The following ITPR1 variants were observed in gnomAD, a reference collection of about 807,000 sequenced individuals.
ITPR1 encodes inositol 1,4,5-trisphosphate-gated calcium channel ITPR1.
A neutral mutation model predicts 318.4 loss-of-function variants in ITPR1; 96 were observed. The ratio of observed to expected loss-of-function variants is 0.30; its 90% CI spans 0.26 to 0.36. ITPR1 has a LOEUF of 0.36. Among genes scored for constraint, ITPR1 ranks in the 10% least tolerant of loss-of-function variants. The pLI, the probability that ITPR1 is intolerant of heterozygous loss-of-function variation, is 1.00. For synonymous variants in ITPR1, 1,312 were observed against 1,289.9 expected (o/e 1.02, Z -0.37); for missense variants, 2,440 against 3,460.2 (o/e 0.71, Z 7.40).
At chr3:4,500,037 G>A (rs148190094) in intron 2 of ITPR1, among the ~76,000 whole-genome samples, 23 of 152,296 alleles carry the variant, frequency 1.5e-4, no homozygotes, top group African/African-American at 5.5e-4. Flanking sequence ...TGAGAAATGG[G>A]CTGGTAAAGT....
At chr3:4,568,111 G>A (rs1412875565) in intron 4 of ITPR1, among the ~76,000 whole-genome samples, 1 of 152,170 alleles carries the variant, frequency 6.6e-6, no homozygotes, top group East Asian at 1.9e-4. Flanking sequence ...GAGATTAAGA[G>A]TCTGTGATTT....
In ITPR1 at chr3:4,653,911, G is replaced by C. The variant is rs765857509; in HGVS notation, c.996+25G>C. On this transcript the variant is annotated intron_variant, in intron 12 of 61. Transcript: ENST00000649015. ...AGTAAGTATGGACAAGAGCCTTCTT[G>C]TCTTCATCTGGTAGGGTGCGGCCAA... 1.9e-6 allele frequency: 3 copies of C among 1,569,990 alleles called. No homozygotes were observed. In the African/African-American group the frequency reaches 4.1e-5, roughly 21 times the overall value.
intron 40 of ITPR1, chr3:4,724,518 A>G (rs1351014492): frequency 6.6e-6 from 1 of 152,180 alleles, no homozygotes; most frequent in East Asian, 1.9e-4. Context: ...AAGGTCACAT[A>G]GTTGCAGCGT....
chr3:4,761,773 G>T (rs2045468585), intron 44 of ITPR1, among the ~76,000 whole-genome samples: 1 of 152,202 alleles, frequency 6.6e-6, no homozygotes, highest in Non-Finnish European at 1.5e-5. Context: ...GGGAGGCTGT[G>T]CACCCACCTT....
chr3:4,676,881 G>T, intron 24 of ITPR1, 80 bp downstream of exon 24: 1 of 1,099,108 alleles, frequency 9.1e-7, no homozygotes, highest in Non-Finnish European at 1.3e-6. Flanking sequence ...TTCTGATGGA[G>T]CCCAAGGCTT....
rs147797220 is a variant in ITPR1 at position 4,709,973 on chromosome 3, A to G, written c.4843-352A>G. On this transcript the variant is annotated intron_variant, in intron 37 of 61. Coordinates refer to ENST00000649015, the MANE Select transcript of ITPR1 (RefSeq NM_001378452.1). ...TGATGTTTATAAAAATAGGATTATT[A>G]TTGTTTGACCTTTGTTATGCCCATG... is the stretch of plus-strand genomic sequence containing the variant. Among the ~76,000 whole-genome samples the G allele has an allele frequency of 4.5e-3, 690 of 152,302 alleles. 5 individuals are homozygous for G. The highest frequency in any genetic ancestry group is 0.016 in the African/African-American group (645 of 41,562).
At chr3:4,835,967 G>T (rs1231053180) in intron 60 of ITPR1, among the ~76,000 whole-genome samples, 2 of 152,116 alleles carry the variant, frequency 1.3e-5, no homozygotes, top group Admixed American at 6.5e-5. Flanking sequence ...GAAGGAAAAG[G>T]AAACAAGAGG....
At chr3:4,594,380 C>T (rs979802224) in intron 4 of ITPR1, among the ~76,000 whole-genome samples, 7 of 152,124 alleles carry the variant, frequency 4.6e-5, no homozygotes, top group Admixed American at 3.9e-4. Context: ...CCTGGGAGCA[C>T]TTCCTTAATA....
At chr3:4,557,090 A>C (rs183491743) in intron 4 of ITPR1, among the ~76,000 whole-genome samples, 5 of 152,186 alleles carry the variant, frequency 3.3e-5, no homozygotes, top group African/African-American at 1.2e-4. Flanking sequence ...CAGAATCTCA[A>C]CTCTTAATCA....
At chr3:4,510,106 C>T (rs982033224) in intron 2 of ITPR1, among the ~76,000 whole-genome samples, 1 of 152,124 alleles carries the variant, frequency 6.6e-6, no homozygotes, top group African/African-American at 2.4e-5. Context: ...AGACATCAAA[C>T]TGGGGCTGTG....
intron 30 of ITPR1, among the ~76,000 whole-genome samples, chr3:4,686,364 G>A (rs529319358): frequency 6.6e-6 from 1 of 152,314 alleles, no homozygotes; most frequent in South Asian, 2.1e-4. Flanking sequence ...CCTGTCGTAG[G>A]TATAATACCT....
At chr3:4,795,251 C>T (rs1226068792) in intron 53 of ITPR1, 64 bp downstream of exon 53, 4 of 1,532,410 alleles carry the variant, frequency 2.6e-6, no homozygotes, top group East Asian at 2.3e-5. Flanking sequence ...ACTTGCATCT[C>T]AGTTGTGGTT....
At chr3:4,754,616 A>G (rs2044814224) in intron 44 of ITPR1, among the ~76,000 whole-genome samples, 1 of 152,120 alleles carries the variant, frequency 6.6e-6, no homozygotes, top group South Asian at 2.1e-4. Context: ...TTCCTTCTTT[A>G]TGGACTGAGA....
chr3:4,653,782 G>C (rs1461913796), intron 11 of ITPR1, 60 bp from the exon 12 acceptor site: 1 of 1,265,836 alleles, frequency 7.9e-7, no homozygotes, highest in Non-Finnish European at 1.1e-6. Flanking sequence ...CCTGCAAGTG[G>C]GGCCCAGTCC....
At position 4,560,927 on chromosome 3, in the gene ITPR1, G is replaced by A. The variant is rs114266011; in HGVS notation, c.163+39833G>A. Among the ~76,000 whole-genome samples, 990 of 152,276 alleles carry A rather than the reference G, an allele frequency of 6.5e-3. 7 individuals are homozygous for A. Among genetic ancestry groups the A allele is most frequent in the African/African-American group, 0.023 (956 of 41,552 alleles). ...CTAAAAGATAGGTGCTTTGAATCCA[G>A]GATCCTAGACAACTTGGGGGCCAAT... On this transcript the variant is annotated intron_variant, in intron 4 of 61. Coordinates refer to ENST00000649015, the MANE Select transcript of ITPR1 (RefSeq NM_001378452.1).
intron 4 of ITPR1, chr3:4,596,050 G>C (rs897933958): frequency 6.6e-6 from 1 of 152,194 alleles, no homozygotes; most frequent in Non-Finnish European, 1.5e-5. Context: ...GGCGTTTGCT[G>C]TGAATACCAG....
At chr3:4,648,180 G>C (rs899487674) in intron 10 of ITPR1, among the ~76,000 whole-genome samples, 2 of 151,306 alleles carry the variant, frequency 1.3e-5, no homozygotes, top group Non-Finnish European at 2.9e-5. Context: ...AGTTCATCTT[G>C]GGCATTGTAT....
At chr3:4,684,532 C>G (rs2094356943) in intron 29 of ITPR1, among the ~76,000 whole-genome samples, 186 bp downstream of exon 29, 1 of 152,234 alleles carries the variant, frequency 6.6e-6, no homozygotes, top group South Asian at 2.1e-4. Flanking sequence ...CCACACCCAG[C>G]TCTTCTACTT....
intron 4 of ITPR1, among the ~76,000 whole-genome samples, chr3:4,524,552 G>A (rs1432386286): frequency 6.6e-6 from 1 of 152,126 alleles, no homozygotes; most frequent in Non-Finnish European, 1.5e-5. Context: ...GGATGATGGA[G>A]TCTTTATCTG....
Sources: gnomAD v4.1 joint callset for allele counts (sites outside exome capture counted in the v4.1 genomes callset) on GRCh38, gnomAD v4.1.1 for gene constraint, MANE v1.5 for transcripts, NCBI Gene and HGNC (gene_info 2026-07-23, HGNC 2026-07-21) for gene names.